Variants in GPALPP1 observed in about 807,000 individuals in gnomAD.
GPALPP1 encodes the protein GPALPP motifs containing 1, also known as GPALPP motifs-containing protein 1.
Under a neutral mutation model 38.9 loss-of-function variants are expected in GPALPP1, and 30 were observed. That is an observed-to-expected ratio of 0.77 (90% CI 0.58 to 1.05). The LOEUF is 1.05. GPALPP1 is among the 50% of genes least tolerant of loss of function. The probability of loss-of-function intolerance (pLI) is 0.00; values close to 1 mark genes in which losing one functional copy is unlikely to be tolerated. For missense variants in GPALPP1, 384 were observed against 408.8 expected (o/e 0.94, Z 0.52); for synonymous variants, 120 against 139.2 (o/e 0.86, Z 0.97).
chr13:45,004,362 G>A lies in GPALPP1; in HGVS notation c.146G>A (p.Ser49Asn). ...AGCAGTAGTTCAGATTCATCAGACAGCGATGAAGACAGTAGTTCTTTGTAC... is the reference window on the plus strand; with the variant it reads ...AGCAGTAGTTCAGATTCATCAGACAACGATGAAGACAGTAGTTCTTTGTAC... ...YKSSSSDSSD[S>N]DEDSSSLYEE... Residue 49 changes from serine to asparagine, a missense_variant, in exon 2 of 8, where the codon AGC (serine) becomes AAC (asparagine). By Grantham distance (46) the Ser-to-Asn change is conservative. Transcript: ENST00000379151. 1 of 1,601,382 alleles carries A rather than the reference G, an allele frequency of 6.2e-7. No individual in the cohort carries two copies. Among genetic ancestry groups the A allele is most frequent in the East Asian group, 2.2e-5 (1 of 44,768 alleles).
At chr13:45,018,612 T>C (rs1475476867) in intron 6 of GPALPP1, among the ~76,000 whole-genome samples, 1 of 152,038 alleles carries the variant, frequency 6.6e-6, no homozygotes, top group Non-Finnish European at 1.5e-5. Flanking sequence ...AGAAATGAGC[T>C]ATTTCTATGT....
chr13:45,000,579 AATAGTATACAATTGATAAATTACATGG>A (rs1205085572), intron 1 of GPALPP1, among the ~76,000 whole-genome samples: 135 of 152,360 alleles, frequency 8.9e-4, no homozygotes, highest in African/African-American at 2.9e-3. Context: ...AAAATTGGCC[AATAGTATACAATTGATAAATTACATGG>A]ATAGCAGTCA....
rs767627715 is a variant in GPALPP1, at chr13:45,015,019, A to C, written c.476A>C (p.Asn159Thr). 1 of 1,606,762 alleles carries C rather than the reference A, an allele frequency of 6.2e-7. No homozygotes were observed. Among genetic ancestry groups the C allele is most frequent in the Admixed American group, 1.7e-5 (1 of 59,922 alleles). The change falls in exon 5 of 8, where the codon AAT becomes ACT. Residue 159 changes from asparagine (N) to threonine (T), a missense_variant. By Grantham distance (65) the Asn-to-Thr change is moderately conservative. Transcript: ENST00000379151. Reference protein sequence around the residue: ...PMPAKGPVNYNVTTEFEKRAQ... With the variant: ...PMPAKGPVNYTVTTEFEKRAQ... Reference sequence around the variant, plus strand: ...CCTGCAAAAGGACCAGTTAACTATAATGTAACGACAGAGTTTGAAAAAAGG... The same window carrying C: ...CCTGCAAAAGGACCAGTTAACTATACTGTAACGACAGAGTTTGAAAAAAGG...
At chr13:45,018,628 A>T (rs1875054186) in intron 6 of GPALPP1, among the ~76,000 whole-genome samples, 1 of 151,910 alleles carries the variant, frequency 6.6e-6, no homozygotes, top group East Asian at 1.9e-4. Flanking sequence ...TATGTTTTTA[A>T]CTTACTTTAT....
At chr13:44,993,479 A>C (rs1486494373) in intron 1 of GPALPP1, among the ~76,000 whole-genome samples, 1 of 152,134 alleles carries the variant, frequency 6.6e-6, no homozygotes, top group Non-Finnish European at 1.5e-5. Context: ...TTTACTAAAA[A>C]TACAAAAATT....
At position 45,027,978 on chromosome 13, in the gene GPALPP1, A is replaced by G. The variant is rs1378820068; in HGVS notation, c.998A>G (p.His333Arg). The change falls in exon 8 of 8, where the codon CAC becomes CGC. Residue 333 changes from histidine (H) to arginine (R), a missense_variant. By Grantham distance (29) the His-to-Arg change is conservative (BLOSUM62 0). Coordinates refer to ENST00000379151, the MANE Select transcript of GPALPP1 (RefSeq NM_018559.5). The stretch of plus-strand genomic sequence containing the variant: ...AGAGAACTAAACACCAGATTTTCAC[A>G]CGGCAAAGGCAATATGTTTTTATAA... Reference protein sequence around the residue: ...KSRELNTRFSHGKGNMFL With the variant: ...KSRELNTRFSRGKGNMFL 1.3e-6 allele frequency: 2 copies of G among 1,599,866 alleles called. No homozygotes were observed. The highest frequency in any genetic ancestry group is 1.7e-6 in the Non-Finnish European group (2 of 1,167,386).
intron 4 of GPALPP1, among the ~76,000 whole-genome samples, chr13:45,014,207 T>C (rs779821940): frequency 3.9e-5 from 6 of 152,218 alleles, no homozygotes; most frequent in Non-Finnish European, 7.3e-5. Context: ...TCATGTCTCA[T>C]AGTTTTAAAA....
intron 2 of GPALPP1, chr13:45,005,227 T>G (rs1205128401): frequency 6.7e-6 from 1 of 149,194 alleles, no homozygotes; most frequent in Non-Finnish European, 1.5e-5. Context: ...GTCTCCCAAG[T>G]AGCTGGAACT....
At chr13:45,019,744 A>G (rs1310807675) in intron 6 of GPALPP1, among the ~76,000 whole-genome samples, 1 of 150,304 alleles carries the variant, frequency 6.7e-6, no homozygotes, top group African/African-American at 2.5e-5. Flanking sequence ...TCTACATCTC[A>G]CCACTGTTAA....
At chr13:44,998,939 G>C (rs1239812345) in intron 1 of GPALPP1, among the ~76,000 whole-genome samples, 2 of 152,186 alleles carry the variant, frequency 1.3e-5, no homozygotes, top group African/African-American at 4.8e-5. Context: ...AGGGGAGTTG[G>C]TCCTGGAACC....
At position 45,029,763 on chromosome 13, in the gene GPALPP1, T is replaced by C. The variant is rs1390561477; in HGVS notation, c.*1760T>C. ...TGTTTTGTAATCAGTTTGCTTGTTTTAGCACTCAGGGCTTTTTATTTGTTA... is the reference window on the plus strand; with the variant it reads ...TGTTTTGTAATCAGTTTGCTTGTTTCAGCACTCAGGGCTTTTTATTTGTTA... On this transcript the variant is annotated 3_prime_UTR_variant, in exon 8 of 8. Coordinates refer to ENST00000379151, the MANE Select transcript of GPALPP1 (RefSeq NM_018559.5). 1.3e-5 allele frequency: 2 copies of C among 152,254 alleles called. No homozygotes were observed. Among genetic ancestry groups the C allele is most frequent in the Non-Finnish European group, 1.5e-5 (1 of 68,038 alleles). 9.4% of individuals were successfully genotyped at this position (152,254 alleles called of 1,614,324 possible). A position where few individuals can be genotyped will look rare whatever the true frequency, so the allele number is the denominator to read the frequency against.
chr13:45,008,179 C>T (rs946700518), intron 3 of GPALPP1, among the ~76,000 whole-genome samples: 11 of 152,204 alleles, frequency 7.2e-5, no homozygotes, highest in South Asian at 2.1e-4. Context: ...ATGGTTAGCA[C>T]GGTACCCTTT....
intron 7 of GPALPP1, among the ~76,000 whole-genome samples, chr13:45,021,169 C>A (rs59166444): frequency 0.049 from 7,507 of 152,190 alleles, 273 homozygotes; most frequent in East Asian, 0.12. Flanking sequence ...TGATAAATGT[C>A]CCCGCTCAAA....
At chr13:45,027,142 C>T (rs1875889158) in intron 7 of GPALPP1, among the ~76,000 whole-genome samples, 2 of 152,148 alleles carry the variant, frequency 1.3e-5, no homozygotes, top group Non-Finnish European at 2.9e-5. Flanking sequence ...TTTCCATCTC[C>T]CTCCCTGCTC....
At chr13:44,992,445 T>C (rs1365467582) in intron 1 of GPALPP1, among the ~76,000 whole-genome samples, 1 of 152,216 alleles carries the variant, frequency 6.6e-6, no homozygotes, top group Non-Finnish European at 1.5e-5. Flanking sequence ...TGGTATGTTT[T>C]GATTAACATA....
chr13:45,000,566 T>C (rs1441793154), intron 1 of GPALPP1, among the ~76,000 whole-genome samples: 1 of 152,142 alleles, frequency 6.6e-6, no homozygotes, highest in Non-Finnish European at 1.5e-5. Context: ...TACAAACCTA[T>C]CCAAAATTGG....
In GPALPP1 at chr13:44,989,619, T is replaced by C; in HGVS notation, c.-36T>C. On this transcript the variant is annotated 5_prime_UTR_variant, in exon 1 of 8. Transcript: ENST00000379151. Reference sequence around the variant, plus strand: ...TTTGGATAGGGTTGACGTTCGTGGATAGACTCATATCTGTGACCAGTGTCC... The same window carrying C: ...TTTGGATAGGGTTGACGTTCGTGGACAGACTCATATCTGTGACCAGTGTCC... 1 of 1,566,236 alleles carries C rather than the reference T, an allele frequency of 6.4e-7. No individual in the cohort carries two copies. The highest frequency in any genetic ancestry group is 8.8e-7 in the Non-Finnish European group (1 of 1,138,128).
At chr13:45,011,440 A>G (rs1319791864) in intron 4 of GPALPP1, among the ~76,000 whole-genome samples, 4 of 152,208 alleles carry the variant, frequency 2.6e-5, no homozygotes, top group Non-Finnish European at 5.9e-5. Flanking sequence ...ACAGTTTAGC[A>G]TGGCTGGGGA....
At position 45,015,604 on chromosome 13, in the gene GPALPP1, GT is replaced by G. The variant is rs1489934434; in HGVS notation, c.705+12del. On this transcript the variant is annotated intron_variant, in intron 6 of 7. Coordinates refer to ENST00000379151, the MANE Select transcript of GPALPP1 (RefSeq NM_018559.5). ...AGGGAAAGGAAAGCTAAGGTGAGAG[GT>G]TTTGTTTGTTTGTTCATGTATTTCT... The G allele has an allele frequency of 1.4e-6, 2 of 1,448,790 alleles. No individual in the cohort carries two copies. Among genetic ancestry groups the G allele is most frequent in the Middle Eastern group, 3.7e-4 (2 of 5,430 alleles). The allele number at this position is 1,448,790 out of a possible 1,614,324, so 89.7% of individuals were successfully genotyped here. A position where few individuals can be genotyped will look rare whatever the true frequency, so the allele number is the denominator to read the frequency against.
Sources: allele counts gnomAD v4.1 joint callset (sites outside exome capture counted in the v4.1 genomes callset), GRCh38; gene constraint gnomAD v4.1.1; transcripts MANE v1.5; gene names NCBI Gene and HGNC (gene_info 2026-07-23, HGNC 2026-07-21).